MUSK: variants seen among roughly 807,000 people sequenced by gnomAD.
The protein encoded by MUSK is muscle associated receptor tyrosine kinase, also known as muscle, skeletal receptor tyrosine-protein kinase.
A neutral mutation model predicts 88.7 loss-of-function variants in MUSK; 55 were observed. The observed-to-expected ratio is 0.62, with a 90% CI of 0.50 to 0.78. MUSK has a LOEUF of 0.78. Among genes scored for constraint, MUSK ranks in the 30% least tolerant of loss-of-function variants. The pLI is 0.00. For synonymous variants in MUSK, 387 were observed against 391.9 expected (o/e 0.99, Z 0.15); for missense variants, 1,015 against 1,074.3 (o/e 0.94, Z 0.77).
At chr9:110,708,187 A>G (rs2076625757) in intron 5 of MUSK, among the ~76,000 whole-genome samples, 1 of 152,088 alleles carries the variant, frequency 6.6e-6, no homozygotes, top group African/African-American at 2.4e-5. Context: ...AAAGATCAGC[A>G]TTGTCTTCAA....
intron 14 of MUSK, among the ~76,000 whole-genome samples, chr9:110,798,995 C>G (rs1302691712): frequency 1.3e-5 from 2 of 152,010 alleles, no homozygotes; most frequent in Non-Finnish European, 2.9e-5. Context: ...TAAATCAACT[C>G]AACCAGCATA....
intron 3 of MUSK, among the ~76,000 whole-genome samples, chr9:110,694,560 G>T (rs1217572685): frequency 1.3e-5 from 2 of 151,986 alleles, no homozygotes; most frequent in Non-Finnish European, 2.9e-5. Context: ...AATTGGTTAC[G>T]GCACATGTCC....
At chr9:110,670,479 T>TAC (rs1256240991) in intron 1 of MUSK, among the ~76,000 whole-genome samples, 2 of 152,122 alleles carry the variant, frequency 1.3e-5, no homozygotes, top group Non-Finnish European at 2.9e-5. Flanking sequence ...GGATTTGTTG[T>TAC]ACACACACAC....
intron 14 of MUSK, among the ~76,000 whole-genome samples, chr9:110,799,709 CA>C (rs2078062469): frequency 6.6e-6 from 1 of 152,128 alleles, no homozygotes; most frequent in African/African-American, 2.4e-5. Context: ...TCTCTCCTTT[CA>C]AAGTGCTAAA....
chr9:110,718,171 TCTC>T (rs543323428), intron 5 of MUSK, among the ~76,000 whole-genome samples: 2 of 152,168 alleles, frequency 1.3e-5, no homozygotes, highest in South Asian at 4.1e-4. Context: ...CATGTGGGTC[TCTC>T]CTCAGGCTGC....
At chr9:110,775,670 T>C (rs2077656131) in intron 9 of MUSK, 118 bp from the exon 10 acceptor site, 4 of 978,116 alleles carry the variant, frequency 4.1e-6, no homozygotes, top group Non-Finnish European at 6.4e-6. Flanking sequence ...ATAAACGCGC[T>C]TTTTTCAAGA....
Position 110,805,065 on chromosome 9 carries a change from G to A in MUSK, c.*4077G>A, listed in dbSNP as rs148072122. On this transcript the variant is annotated 3_prime_UTR_variant, in exon 15 of 15. Transcript: ENST00000374448. ...TTGAATAGTATTATACAGATTTATCGTAATTGACATAACTATTCTACTGTT... is the reference window on the plus strand; with the variant it reads ...TTGAATAGTATTATACAGATTTATCATAATTGACATAACTATTCTACTGTT... 7.7e-4 allele frequency among the ~76,000 whole-genome samples: 117 copies of A among 151,898 alleles called. No individual in the cohort carries two copies. Among genetic ancestry groups the A allele is most frequent in the African/African-American group, 2.7e-3 (112 of 41,518 alleles).
chr9:110,802,676 T>TG lies in MUSK; in HGVS notation c.*1689dup, dbSNP rs1313122322. Among the ~76,000 whole-genome samples the TG allele has an allele frequency of 7.2e-5, 11 of 152,220 alleles. No homozygotes were observed. Among genetic ancestry groups the TG allele is most frequent in the African/African-American group, 2.7e-4 (11 of 41,448 alleles). On this transcript the variant is annotated 3_prime_UTR_variant, in exon 15 of 15. Coordinates refer to ENST00000374448, the MANE Select transcript of MUSK (RefSeq NM_005592.4). ...TTAGTTTTACTTCCTAAAATCCTCCTGCTGACATCCTCTTCCCTTCAACCC... is the reference window on the plus strand; with the variant it reads ...TTAGTTTTACTTCCTAAAATCCTCCTGGCTGACATCCTCTTCCCTTCAACCC...
intron 2 of MUSK, among the ~76,000 whole-genome samples, chr9:110,683,725 G>A (rs936034180): frequency 6.6e-6 from 1 of 152,058 alleles, no homozygotes; most frequent in African/African-American, 2.4e-5. Flanking sequence ...GCATTTCTCT[G>A]ATGATCAGTG....
intron 8 of MUSK, 167 bp from the exon 9 acceptor site, chr9:110,767,653 C>G: frequency 1.4e-6 from 1 of 724,162 alleles, no homozygotes; most frequent in East Asian, 2.7e-5. Context: ...GATATAATTG[C>G]AGCTGGAAAT....
At position 110,687,216 on chromosome 9, in the gene MUSK, C is replaced by A. The variant is rs1340913424; in HGVS notation, c.306C>A (p.Asn102Lys). ...SDDGIYCCTA[N>K]NGVGGAVESC... The stretch of plus-strand genomic sequence containing the variant: ...ATGGCATTTACTGCTGCACGGCCAA[C>A]AATGGTGTGGGAGGAGCTGTGGAGA... The change falls in exon 3 of 15, where the codon AAC becomes AAA. Residue 102 changes from asparagine to lysine, a missense_variant. By Grantham distance (94) the Asn-to-Lys change is moderately conservative. Transcript: ENST00000374448. 2.5e-6 allele frequency: 4 copies of A among 1,613,810 alleles called. No homozygotes were observed. Among genetic ancestry groups the A allele is most frequent in the Non-Finnish European group, 2.5e-6 (3 of 1,179,818 alleles).
chr9:110,742,991 A>C (rs2077123854), intron 6 of MUSK, among the ~76,000 whole-genome samples: 1 of 152,240 alleles, frequency 6.6e-6, no homozygotes, highest in Non-Finnish European at 1.5e-5. Flanking sequence ...ATGGAGGAGA[A>C]CACAGAGAAT....
chr9:110,780,708 A>G (rs1251856942), intron 11 of MUSK, among the ~76,000 whole-genome samples: 2 of 152,180 alleles, frequency 1.3e-5, no homozygotes, highest in African/African-American at 4.8e-5. Flanking sequence ...GGAAGCAGGT[A>G]GTCTGGTGTG....
intron 11 of MUSK, among the ~76,000 whole-genome samples, chr9:110,781,608 T>C (rs1354880776): frequency 6.6e-6 from 1 of 152,172 alleles, no homozygotes; most frequent in Non-Finnish European, 1.5e-5. Flanking sequence ...CAGGTTGCTA[T>C]AACAAAATGC....
At chr9:110,734,145 A>C in intron 5 of MUSK, 106 bp from the exon 6 acceptor site, 1 of 1,287,820 alleles carries the variant, frequency 7.8e-7, no homozygotes, top group Non-Finnish European at 1.1e-6. Flanking sequence ...CAAACACTGA[A>C]GAACTGCACA....
chr9:110,779,662 A>C lies in MUSK; in HGVS notation c.1384+3007A>C, dbSNP rs528948861. 9.9e-5 allele frequency among the ~76,000 whole-genome samples: 15 copies of C among 152,208 alleles called. 1 individual carries two copies. Among genetic ancestry groups the C allele is most frequent in the East Asian group, 7.7e-4 (4 of 5,206 alleles). On this transcript the variant is annotated intron_variant, in intron 11 of 14. Transcript: ENST00000374448. ...GATAAGGCCTTGTTCTTTTATGAGT[A>C]TAGATTAAACTCATGCTAGCTGTCT...
At chr9:110,741,769 G>A (rs889263870) in intron 6 of MUSK, among the ~76,000 whole-genome samples, 1 of 152,080 alleles carries the variant, frequency 6.6e-6, no homozygotes, top group Non-Finnish European at 1.5e-5. Context: ...AAATGAACGT[G>A]CTTTTCCAGC....
At chr9:110,711,400 A>G (rs1419357825) in intron 5 of MUSK, among the ~76,000 whole-genome samples, 2 of 152,204 alleles carry the variant, frequency 1.3e-5, no homozygotes, top group African/African-American at 4.8e-5. Context: ...ATGCTGGCAA[A>G]GGTCTCTGAG....
At chr9:110,768,126 T>C in intron 9 of MUSK, 43 bp downstream of exon 9, 1 of 1,546,522 alleles carries the variant, frequency 6.5e-7, no homozygotes, top group Non-Finnish European at 8.8e-7. Context: ...TCCATTTTTC[T>C]ATCTGCACAA....
Sources: gnomAD v4.1 joint callset for allele counts (sites outside exome capture counted in the v4.1 genomes callset) on GRCh38, gnomAD v4.1.1 for gene constraint, MANE v1.5 for transcripts, NCBI Gene and HGNC (gene_info 2026-07-23, HGNC 2026-07-21) for gene names.